PGLYRP3: variants seen among roughly 807,000 people sequenced by gnomAD.
PGLYRP3 encodes the protein peptidoglycan recognition protein 3.
PGLYRP3 carries 39 observed loss-of-function variants against 36.0 expected under a neutral mutation model. The ratio of observed to expected loss-of-function variants is 1.08; its 90% CI spans 0.84 to 1.41. The LOEUF (loss-of-function observed/expected upper bound fraction) is 1.41. Ranked by LOEUF, PGLYRP3 falls within the 40% of genes most tolerant of loss-of-function variation. The pLI, the probability that PGLYRP3 is intolerant of heterozygous loss-of-function variation, is 0.00. For missense variants in PGLYRP3, 407 were observed against 427.9 expected, an observed-to-expected ratio of 0.95 and a Z score of 0.43; for synonymous variants, 204 against 172.8, an observed-to-expected ratio of 1.18 and a Z score of -1.42.
intron 5 of PGLYRP3, among the ~76,000 whole-genome samples, chr1:153,303,439 C>T (rs1231430572): frequency 1.3e-5 from 2 of 152,194 alleles, no homozygotes; most frequent in Non-Finnish European, 2.9e-5. Context: ...TATTTTTCTC[C>T]ATAGCTTTTA....
chr1:153,308,726 C>T (rs1659819311), intron 2 of PGLYRP3, among the ~76,000 whole-genome samples: 1 of 152,202 alleles, frequency 6.6e-6, no homozygotes, highest in Admixed American at 6.5e-5. Context: ...CTCTCCTCCT[C>T]CCCAGGTCAC....
rs549628974 is a variant in PGLYRP3 at position 153,299,590 on chromosome 1, G to A, written c.729-359C>T. The stretch of plus-strand genomic sequence containing the variant: ...GGCTTCCACAACCACAACCCTCCTT[G>A]TTCTCCTCCTCCTGCTGCTCCCTCA... On this transcript the variant is annotated intron_variant, in intron 6 of 7. Coordinates refer to ENST00000683862, the MANE Select transcript of PGLYRP3 (RefSeq NM_052891.3). 2.0e-5 allele frequency among the ~76,000 whole-genome samples: 3 copies of A among 151,932 alleles called. No individual in the cohort carries two copies. In the East Asian group the frequency reaches 5.8e-4, roughly 29 times the overall value.
intron 5 of PGLYRP3, 27 bp from the exon 6 acceptor site, chr1:153,302,634 G>A (rs568434936): frequency 7.4e-6 from 12 of 1,611,916 alleles, no homozygotes; most frequent in South Asian, 6.6e-5. Flanking sequence ...AGCCAAGGAA[G>A]TAGGAATTTT....
chr1:153,302,611 T>C lies in PGLYRP3; in HGVS notation c.530-4A>G. On this transcript the variant is annotated splice_region_variant and splice_polypyrimidine_tract_variant and intron_variant, in intron 5 of 7. Coordinates refer to ENST00000683862, the MANE Select transcript of PGLYRP3 (RefSeq NM_052891.3). Reference sequence around the variant, plus strand: ...CGTTTGATGATGTTGGGGCAAACTGTGGTAAAATGAAAAGCCAAGGAAGTA... The same window carrying C: ...CGTTTGATGATGTTGGGGCAAACTGCGGTAAAATGAAAAGCCAAGGAAGTA... The C allele has an allele frequency of 6.2e-7, 1 of 1,613,966 alleles. No homozygotes were observed. The highest frequency in any genetic ancestry group is 8.5e-7 in the Non-Finnish European group (1 of 1,180,010).
chr1:153,311,947 A>G (rs821418), intron 1 of PGLYRP3, among the ~76,000 whole-genome samples: 65,200 of 152,056 alleles, frequency 0.43, 14,288 homozygotes, highest in East Asian at 0.55. Flanking sequence ...TAATAAATAT[A>G]AGGAAAAATG....
Position 153,310,733 on chromosome 1 carries a change from A to G in PGLYRP3, c.-41-27T>C, listed in dbSNP as rs1465420602. ...TGGAAGAGAGGCTAACAGTTAACAC[A>G]ACCATGCTAACTCTGCAAGTGGAGC... On this transcript the variant is annotated intron_variant, in intron 1 of 7. Coordinates refer to ENST00000683862, the MANE Select transcript of PGLYRP3 (RefSeq NM_052891.3). 2.2e-6 allele frequency: 3 copies of G among 1,371,508 alleles called. No homozygotes were observed. In the Admixed American group the frequency reaches 5.3e-5, roughly 24 times the overall value. 85.0% of individuals were successfully genotyped at this position (1,371,508 alleles called of 1,614,324 possible).
At chr1:153,311,977 T>G (rs1659906508) in intron 1 of PGLYRP3, among the ~76,000 whole-genome samples, 1 of 152,190 alleles carries the variant, frequency 6.6e-6, no homozygotes, top group Admixed American at 6.5e-5. Flanking sequence ...CCTCGTTAGT[T>G]AAATGAGAGG....
chr1:153,310,765 C>T (rs1459177979), intron 1 of PGLYRP3, 59 bp from the exon 2 acceptor site: 2 of 1,061,016 alleles, frequency 1.9e-6, no homozygotes, highest in African/African-American at 1.6e-5. Flanking sequence ...GAGCACCCAC[C>T]TACTATGTGG....
At chr1:153,311,473 G>C (rs1272432760) in intron 1 of PGLYRP3, among the ~76,000 whole-genome samples, 2 of 152,206 alleles carry the variant, frequency 1.3e-5, no homozygotes, top group African/African-American at 4.8e-5. Context: ...TCTGACTCCA[G>C]AGCCTCTGCC....
Position 153,299,128 on chromosome 1 carries a change from T to C in PGLYRP3, c.832A>G (p.Ile278Val), listed in dbSNP as rs1457010634. 6 of 1,613,956 alleles carry C rather than the reference T, an allele frequency of 3.7e-6. No homozygotes were observed. The highest frequency in any genetic ancestry group is 1.7e-5 in the Admixed American group (1 of 60,000). ...FNDIALGIAF[I>V]GYFVEKPPNA... is the part of the protein sequence containing the mutation. ...CACCCCTTACCTACAAAGTAGCCGA[T>C]GAAGGCAATTCCTAGGGCAATATCG... is the stretch of plus-strand genomic sequence containing the variant. The change falls in exon 7 of 8, where the codon ATC becomes GTC. Residue 278 changes from isoleucine (I) to valine (V), a missense_variant. Transcript: ENST00000683862.
chr1:153,305,130 C>T, intron 3 of PGLYRP3, 65 bp from the exon 4 acceptor site: 2 of 1,380,260 alleles, frequency 1.4e-6, no homozygotes, highest in Non-Finnish European at 2.0e-6. Flanking sequence ...CACTGATCCT[C>T]AAAAGGAAAA....
intron 1 of PGLYRP3, among the ~76,000 whole-genome samples, 189 bp from the exon 2 acceptor site, chr1:153,310,895 T>C (rs1332154756): frequency 6.6e-6 from 1 of 152,118 alleles, no homozygotes; most frequent in Non-Finnish European, 1.5e-5. Context: ...CTAATGGCTA[T>C]GTCTAGCCAC....
intron 4 of PGLYRP3, 134 bp from the exon 5 acceptor site, chr1:153,304,143 A>G (rs377097735): frequency 6.9e-5 from 56 of 811,114 alleles, no homozygotes; most frequent in East Asian, 3.4e-4. Context: ...TCCAGTTGCC[A>G]GAACAGAGTG....
chr1:153,308,800 G>A (rs2101525820), intron 2 of PGLYRP3, among the ~76,000 whole-genome samples: 1 of 152,270 alleles, frequency 6.6e-6, no homozygotes, highest in Middle Eastern at 3.4e-3. Flanking sequence ...GCCTGCCTCT[G>A]CCTTCCACAT....
intron 2 of PGLYRP3, among the ~76,000 whole-genome samples, chr1:153,308,546 A>G (rs568210380): frequency 8.6e-4 from 131 of 152,204 alleles, no homozygotes; most frequent in Non-Finnish European, 1.5e-3. Context: ...TGAGATGCTG[A>G]CAAACAGGTC....
chr1:153,302,519 G>A lies in PGLYRP3; in HGVS notation c.618C>T (p.Ile206=). The change falls in exon 6 of 8, where the codon ATC becomes ATT. Residue 206 remains isoleucine, a synonymous_variant. Transcript: ENST00000683862. ...TGCAGCTTGTGCCAGCGGTGTGGAT[G>A]ATGATGACATATTTGGCTGGGAGGT... The part of the protein sequence containing the change: ...KMNLPAKYVI[I]IHTAGTSCTV... 3.1e-6 allele frequency: 5 copies of A among 1,614,252 alleles called. No individual in the cohort carries two copies. The highest frequency in any genetic ancestry group is 4.2e-6 in the Non-Finnish European group (5 of 1,180,032).
At chr1:153,298,266 T>C (rs1659492149) in intron 7 of PGLYRP3, 132 bp from the exon 8 acceptor site, 1 of 981,146 alleles carries the variant, frequency 1.0e-6, no homozygotes, top group African/African-American at 1.6e-5. Flanking sequence ...AGCCAACACA[T>C]TTACGTAAAT....
At chr1:153,312,142 T>C (rs753834553) in intron 1 of PGLYRP3, among the ~76,000 whole-genome samples, 1 of 152,188 alleles carries the variant, frequency 6.6e-6, no homozygotes, top group African/African-American at 2.4e-5. Flanking sequence ...TGCCCCAAGC[T>C]GGTCATATCA....
chr1:153,304,106 T>C, intron 4 of PGLYRP3, 97 bp from the exon 5 acceptor site: 1 of 1,206,978 alleles, frequency 8.3e-7, no homozygotes, highest in Non-Finnish European at 1.2e-6. Context: ...TGAGCCTGAA[T>C]AACTGGATTG....
Sources: allele counts gnomAD v4.1 joint callset (sites outside exome capture counted in the v4.1 genomes callset), GRCh38; gene constraint gnomAD v4.1.1; transcripts MANE v1.5; gene names NCBI Gene and HGNC (gene_info 2026-07-23, HGNC 2026-07-21).